GALNTL6: variants seen among roughly 807,000 people sequenced by gnomAD.
GALNTL6 encodes the protein polypeptide N-acetylgalactosaminyltransferase-like 6.
In GALNTL6, 46 loss-of-function variants were observed where a neutral mutation model predicts 73.7. The observed-to-expected ratio is 0.62, with a 90% CI of 0.49 to 0.80. The LOEUF is 0.80. Among genes scored for constraint, GALNTL6 ranks in the 30% least tolerant of loss-of-function variants. The pLI is 0.00. For missense variants in GALNTL6, 604 were observed against 755.0 expected, an observed-to-expected ratio of 0.80 and a Z score of 2.34; for synonymous variants, 259 against 263.7, an observed-to-expected ratio of 0.98 and a Z score of 0.17.
intron 5 of GALNTL6, among the ~76,000 whole-genome samples, chr4:172,635,052 C>T (rs1231941456): frequency 6.6e-6 from 1 of 152,136 alleles, no homozygotes; most frequent in Non-Finnish European, 1.5e-5. Flanking sequence ...CTGCAAACTA[C>T]TCAAAGTCAT....
At position 172,311,724 on chromosome 4, in the gene GALNTL6, A is replaced by G; in HGVS notation, c.358A>G (p.Arg120Gly). The change falls in exon 4 of 13, where the codon AGG (arginine) becomes GGG (glycine). Residue 120 changes from arginine (R) to glycine (G), a missense_variant. Around this residue, in one of 5 missense-constraint regions of GALNTL6, gnomAD observed 141 missense variants for 156.6 expected, o/e 0.90. Coordinates refer to ENST00000506823, the MANE Select transcript of GALNTL6 (RefSeq NM_001034845.3). Reference sequence around the variant, plus strand: ...CGTCAGCAACAATATTGCTCTAGAGAGGTCTCTGCCAGATATTCGTCATGC... The same window carrying G: ...CGTCAGCAACAATATTGCTCTAGAGGGGTCTCTGCCAGATATTCGTCATGC... ...IFVSNNIALE[R>G]SLPDIRHANC... 1 of 1,601,044 alleles carries G rather than the reference A, an allele frequency of 6.2e-7. No individual in the cohort carries two copies. Among genetic ancestry groups the G allele is most frequent in the Non-Finnish European group, 8.5e-7 (1 of 1,172,018 alleles).
chr4:171,979,730 G>T (rs1220032450), intron 2 of GALNTL6, among the ~76,000 whole-genome samples: 1 of 152,226 alleles, frequency 6.6e-6, no homozygotes, highest in African/African-American at 2.4e-5. Flanking sequence ...AGTGGAATCT[G>T]CAGGGAATAT....
chr4:172,258,378 G>A (rs147146018), intron 3 of GALNTL6, among the ~76,000 whole-genome samples: 2 of 151,054 alleles, frequency 1.3e-5, no homozygotes, highest in African/African-American at 4.8e-5. Context: ...GTCTAGATAT[G>A]GTTTTATCTG....
Position 171,906,241 on chromosome 4 carries a change from C to A in GALNTL6, c.138+91523C>A, listed in dbSNP as rs1399706367. On this transcript the variant is annotated intron_variant, in intron 2 of 12. Transcript: ENST00000506823. ...GAAAGGATCAACAAAATTGATAGACCACTAGCAAGACTAATAAAGAAAAAA... is the reference window on the plus strand; with the variant it reads ...GAAAGGATCAACAAAATTGATAGACAACTAGCAAGACTAATAAAGAAAAAA... Among the ~76,000 whole-genome samples, 1,016 of 147,318 alleles carry A rather than the reference C, an allele frequency of 6.9e-3. 4 individuals carry two copies. The highest frequency in any genetic ancestry group is 0.025 in the African/African-American group (947 of 37,572).
intron 3 of GALNTL6, among the ~76,000 whole-genome samples, chr4:172,294,885 G>C (rs907487948): frequency 2.0e-5 from 3 of 151,764 alleles, no homozygotes; most frequent in Admixed American, 6.6e-5. Context: ...GCTGAAAAAA[G>C]ATAGAATACT....
At chr4:172,713,452 T>A (rs1358511654) in intron 5 of GALNTL6, among the ~76,000 whole-genome samples, 1 of 151,956 alleles carries the variant, frequency 6.6e-6, no homozygotes, top group Non-Finnish European at 1.5e-5. Flanking sequence ...AGTCTTTTAT[T>A]CAACTTAGGC....
intron 2 of GALNTL6, among the ~76,000 whole-genome samples, chr4:172,122,133 C>T (rs1579159630): frequency 6.6e-6 from 1 of 151,072 alleles, no homozygotes; most frequent in African/African-American, 2.4e-5. Flanking sequence ...CATGACTAGG[C>T]TGAATTCGAG....
At chr4:172,736,998 G>A (rs1431933414) in intron 5 of GALNTL6, among the ~76,000 whole-genome samples, 1 of 152,160 alleles carries the variant, frequency 6.6e-6, no homozygotes, top group African/African-American at 2.4e-5. Flanking sequence ...CAGCCATGTG[G>A]AAATGTGAGT....
chr4:172,185,012 A>G (rs1306209410), intron 2 of GALNTL6, among the ~76,000 whole-genome samples: 1 of 152,220 alleles, frequency 6.6e-6, no homozygotes, highest in Non-Finnish European at 1.5e-5. Flanking sequence ...AGTTGGGCAG[A>G]CACATTCAAA....
At chr4:171,986,887 G>T (rs958554585) in intron 2 of GALNTL6, among the ~76,000 whole-genome samples, 1 of 152,178 alleles carries the variant, frequency 6.6e-6, no homozygotes, top group African/African-American at 2.4e-5. Flanking sequence ...AGTTAAGAGT[G>T]GCAGTTTGGG....
chr4:172,979,699 G>A (rs1750986755), intron 10 of GALNTL6, among the ~76,000 whole-genome samples: 1 of 152,138 alleles, frequency 6.6e-6, no homozygotes, highest in Admixed American at 6.5e-5. Flanking sequence ...ACCCTGCTTG[G>A]TTCTTAAACA....
rs566149649 is a variant in GALNTL6, at chr4:172,632,810, G to T, written c.554-176551G>T. On this transcript the variant is annotated intron_variant, in intron 5 of 12. Coordinates refer to ENST00000506823, the MANE Select transcript of GALNTL6 (RefSeq NM_001034845.3). ...AAATGGCTCCATGGGCTGAGCCCAG[G>T]GACTCCTGCTCCATGCAGCCTTGGG... Among the ~76,000 whole-genome samples the T allele has an allele frequency of 3.3e-5, 5 of 152,290 alleles. No homozygotes were observed. The South Asian group carries it at 6.2e-4, about 19-fold the overall frequency.
chr4:172,211,983 A>G (rs1468082246), intron 2 of GALNTL6, among the ~76,000 whole-genome samples: 1 of 152,294 alleles, frequency 6.6e-6, no homozygotes, highest in Admixed American at 6.5e-5. Flanking sequence ...TTCCGACCAT[A>G]GCAAGGTGCT....
intron 3 of GALNTL6, among the ~76,000 whole-genome samples, chr4:172,247,812 C>T (rs1448508333): frequency 6.6e-6 from 1 of 152,088 alleles, no homozygotes; most frequent in Non-Finnish European, 1.5e-5. Flanking sequence ...AGTAGTCATG[C>T]ATAAATTCCT....
intron 2 of GALNTL6, among the ~76,000 whole-genome samples, chr4:172,175,020 C>T (rs1425651032): frequency 6.6e-6 from 1 of 152,018 alleles, no homozygotes; most frequent in Non-Finnish European, 1.5e-5. Context: ...CTGCATATAC[C>T]CTAAGAGAGT....
At chr4:172,477,677 T>C (rs932761209) in intron 5 of GALNTL6, among the ~76,000 whole-genome samples, 1 of 152,252 alleles carries the variant, frequency 6.6e-6, no homozygotes, top group African/African-American at 2.4e-5. Context: ...ATGCTGTGAT[T>C]TGTAATTCAT....
chr4:171,979,614 A>G (rs575998892), intron 2 of GALNTL6, among the ~76,000 whole-genome samples: 6 of 152,316 alleles, frequency 3.9e-5, no homozygotes, highest in African/African-American at 1.2e-4. Flanking sequence ...AGCCTGGGGC[A>G]GAGTTTCCCA....
chr4:172,283,107 C>G (rs943083272), intron 3 of GALNTL6, among the ~76,000 whole-genome samples: 3 of 152,148 alleles, frequency 2.0e-5, no homozygotes, highest in African/African-American at 7.2e-5. Flanking sequence ...TCCAACATCT[C>G]TGCGATCAAC....
At chr4:173,030,683 CTCTGTGCCCGG>C (rs1753418682) in intron 12 of GALNTL6, among the ~76,000 whole-genome samples, 1 of 152,048 alleles carries the variant, frequency 6.6e-6, no homozygotes, top group African/African-American at 2.4e-5. Flanking sequence ...AACTCAAAGA[CTCTGTGCCCGG>C]TCTGTGTTCT....
Sources: gnomAD v4.1 joint callset for allele counts (sites outside exome capture counted in the v4.1 genomes callset) on GRCh38, gnomAD v4.1.1 for gene constraint, gnomAD v4.1.1 regional missense constraint, MANE v1.5 for transcripts, NCBI Gene and HGNC (gene_info 2026-07-23, HGNC 2026-07-21) for gene names.